DIP2C: variants seen among roughly 807,000 people sequenced by gnomAD.
DIP2C encodes disco-interacting protein 2 homolog C.
In DIP2C, 33 loss-of-function variants were observed where a neutral mutation model predicts 192.4. That is an observed-to-expected ratio of 0.17 (90% CI 0.13 to 0.23). The LOEUF (loss-of-function observed/expected upper bound fraction) is 0.23. DIP2C is among the 10% of genes least tolerant of loss of function. DIP2C has a pLI of 1.00. For missense variants in DIP2C, 1,537 were observed against 2,110.1 expected (o/e 0.73, Z 5.32); for synonymous variants, 979 against 864.1 (o/e 1.13, Z -2.33).
chr10:598,318 G>A (rs148785736), intron 1 of DIP2C, among the ~76,000 whole-genome samples: 105 of 152,202 alleles, frequency 6.9e-4, no homozygotes, highest in African/African-American at 2.2e-3. Flanking sequence ...GGGCAGCTGC[G>A]ATCACATTTC....
intron 4 of DIP2C, among the ~76,000 whole-genome samples, chr10:423,609 G>T (rs528488528): frequency 6.6e-6 from 1 of 152,018 alleles, no homozygotes; most frequent in Non-Finnish European, 1.5e-5. Flanking sequence ...CTACATCAGT[G>T]TGTTAGATAC....
chr10:439,135 C>T (rs746205659), intron 4 of DIP2C, among the ~76,000 whole-genome samples: 4 of 152,298 alleles, frequency 2.6e-5, no homozygotes, highest in East Asian at 1.9e-4. Context: ...CATGAGCTAC[C>T]GTGCCTAGCC....
chr10:596,655 T>A (rs759156021), intron 1 of DIP2C, among the ~76,000 whole-genome samples: 1 of 151,894 alleles, frequency 6.6e-6, no homozygotes, highest in African/African-American at 2.4e-5. Context: ...GACAGAAGGC[T>A]GCACCCCAAG....
chr10:609,468 C>CA (rs549210994), intron 1 of DIP2C, among the ~76,000 whole-genome samples: 4 of 152,222 alleles, frequency 2.6e-5, no homozygotes, highest in Non-Finnish European at 5.9e-5. Context: ...AACATTCAAT[C>CA]AGCATCAGTC....
intron 1 of DIP2C, among the ~76,000 whole-genome samples, chr10:686,399 C>A (rs1831338145): frequency 6.6e-6 from 1 of 151,946 alleles, no homozygotes; most frequent in Admixed American, 6.6e-5. Flanking sequence ...GGCCTCCGCA[C>A]CCTCATGGCC....
chr10:602,781 A>G (rs945728311), intron 1 of DIP2C, among the ~76,000 whole-genome samples: 7 of 152,188 alleles, frequency 4.6e-5, no homozygotes, highest in African/African-American at 1.2e-4. Context: ...CGGGGTTCAC[A>G]AGGAATTCTA....
intron 1 of DIP2C, among the ~76,000 whole-genome samples, chr10:591,237 G>T (rs1171729018): frequency 1.3e-5 from 2 of 152,034 alleles, no homozygotes; most frequent in Non-Finnish European, 1.5e-5. Flanking sequence ...TGTTTCTCCT[G>T]CCTCAGCCTC....
intron 30 of DIP2C, 94 bp downstream of exon 30, chr10:329,339 G>C: frequency 7.6e-7 from 1 of 1,313,002 alleles, no homozygotes; most frequent in African/African-American, 1.5e-5. Flanking sequence ...TGTTTTGGAG[G>C]ACTGTTTTAA....
At chr10:331,953 A>G (rs1957528069) in intron 29 of DIP2C, among the ~76,000 whole-genome samples, 1 of 151,808 alleles carries the variant, frequency 6.6e-6, no homozygotes, top group Admixed American at 6.6e-5. Context: ...ACAGAGTCTT[A>G]CTTTGTCACC....
At chr10:388,888 T>C (rs904984473) in intron 13 of DIP2C, among the ~76,000 whole-genome samples, 1 of 151,912 alleles carries the variant, frequency 6.6e-6, no homozygotes, top group Non-Finnish European at 1.5e-5. Flanking sequence ...TCAGGGAGCC[T>C]CAGGGGGTCT....
chr10:662,965 G>T (rs974377012), intron 1 of DIP2C: 1 of 716,726 alleles, frequency 1.4e-6, no homozygotes, highest in Non-Finnish European at 2.6e-6. Context: ...GTGATTAACA[G>T]AACATGCTGA....
chr10:484,894 G>A (rs779519887), intron 2 of DIP2C: 10 of 1,611,662 alleles, frequency 6.2e-6, no homozygotes, highest in Admixed American at 1.7e-5. Context: ...TGTTCTCCTC[G>A]GCGCTCCTTC....
chr10:641,074 T>G (rs1164086960), intron 1 of DIP2C, among the ~76,000 whole-genome samples: 1 of 151,838 alleles, frequency 6.6e-6, no homozygotes, highest in African/African-American at 2.4e-5. Flanking sequence ...TTATTCTGTC[T>G]CTCTTCCTAT....
At chr10:420,283 T>A (rs890791869) in intron 5 of DIP2C, among the ~76,000 whole-genome samples, 1 of 152,258 alleles carries the variant, frequency 6.6e-6, no homozygotes, top group African/African-American at 2.4e-5. Flanking sequence ...TGCTTTGTGA[T>A]CTGAGAATCG....
intron 1 of DIP2C, among the ~76,000 whole-genome samples, chr10:620,739 A>G (rs1226096105): frequency 6.6e-6 from 1 of 152,204 alleles, no homozygotes; most frequent in Non-Finnish European, 1.5e-5. Flanking sequence ...CCTCGCATCT[A>G]AGCTGGATTT....
chr10:349,689 G>C (rs1222248895), intron 24 of DIP2C, among the ~76,000 whole-genome samples: 2 of 152,274 alleles, frequency 1.3e-5, no homozygotes, highest in African/African-American at 4.8e-5. Flanking sequence ...AAGCAGTGCA[G>C]ACCAAAGAAA....
intron 1 of DIP2C, among the ~76,000 whole-genome samples, chr10:600,353 C>A (rs1320897716): frequency 1.3e-5 from 2 of 151,880 alleles, no homozygotes; most frequent in Non-Finnish European, 2.9e-5. Flanking sequence ...AGGGGATGAG[C>A]TGCTAATAAG....
chr10:500,271 C>G (rs954400151), intron 1 of DIP2C, among the ~76,000 whole-genome samples: 3 of 152,258 alleles, frequency 2.0e-5, no homozygotes, highest in Non-Finnish European at 4.4e-5. Context: ...GGGCCCATGG[C>G]TACTTCTGTG....
chr10:639,666 G>A (rs1187063737), intron 1 of DIP2C, among the ~76,000 whole-genome samples: 7 of 152,226 alleles, frequency 4.6e-5, no homozygotes, highest in African/African-American at 9.6e-5. Flanking sequence ...TAATGACAAC[G>A]AAGCATTCTC....
Sources: gnomAD v4.1 joint callset for allele counts (sites outside exome capture counted in the v4.1 genomes callset) on GRCh38, gnomAD v4.1.1 for gene constraint, MANE v1.5 for transcripts, NCBI Gene and HGNC (gene_info 2026-07-23, HGNC 2026-07-21) for gene names.